LRRC8B: variants seen among roughly 807,000 people sequenced by gnomAD.
LRRC8B encodes the protein volume-regulated anion channel subunit LRRC8B.
In LRRC8B, 23 loss-of-function variants were observed where a neutral mutation model predicts 58.8. The ratio of observed to expected loss-of-function variants is 0.39; its 90% CI spans 0.28 to 0.55. The LOEUF is 0.55. LRRC8B is among the 20% of genes least tolerant of loss of function. The pLI is 0.62. For synonymous variants in LRRC8B, 359 were observed against 374.1 expected, an observed-to-expected ratio of 0.96 and a Z score of 0.47; for missense variants, 694 against 936.0, an observed-to-expected ratio of 0.74 and a Z score of 3.37.
At chr1:89,526,248 T>G (rs976222514) in intron 1 of LRRC8B, among the ~76,000 whole-genome samples, 1 of 152,244 alleles carries the variant, frequency 6.6e-6, no homozygotes, top group African/African-American at 2.4e-5. Flanking sequence ...GGAGTCTCAC[T>G]CTGTCGCCCA....
Position 89,593,028 on chromosome 1 carries a change from C to G in LRRC8B, c.2397C>G (p.Cys799Trp), listed in dbSNP as rs747113893. ...CTGTAACAGAACGTTTACAGACGTG[C>G]TTAGACAAATGTTGACTTAAAGAAA... is the stretch of plus-strand genomic sequence containing the variant. ...PLPVTERLQT[C>W]LDKC is the part of the protein sequence containing the mutation. The change falls in exon 6 of 6, where the codon TGC (cysteine) becomes TGG (tryptophan). Residue 799 changes from cysteine (C) to tryptophan (W), a missense_variant. Physicochemically the swap from Cys to Trp is radical, Grantham distance 215 (BLOSUM62 -2). This residue lies in a region of LRRC8B where 139 missense variants were observed against 158.2 expected (regional missense o/e 0.88). Coordinates refer to ENST00000330947, the MANE Select transcript of LRRC8B (RefSeq NM_001369817.2). 1.9e-6 allele frequency: 3 copies of G among 1,612,046 alleles called. No individual in the cohort carries two copies. Among genetic ancestry groups the G allele is most frequent in the Non-Finnish European group, 2.5e-6 (3 of 1,178,486 alleles).
At position 89,584,567 on chromosome 1, in the gene LRRC8B, G is replaced by A. The variant is rs772061798; in HGVS notation, c.1917G>A (p.Lys639=). The part of the protein sequence containing the change: ...FQHLQNLSCL[K]LWHNNIAYIP... ...ATCTTCAGAATCTTTCCTGCTTAAA[G>A]TTGTGGCACAATAACATTGCTTATA... The change falls in exon 5 of 6, where the codon AAG becomes AAA. Residue 639 remains lysine, a synonymous_variant. Coordinates refer to ENST00000330947, the MANE Select transcript of LRRC8B (RefSeq NM_001369817.2). 1.9e-6 allele frequency: 3 copies of A among 1,614,184 alleles called. No homozygotes were observed. The South Asian group carries it at 3.3e-5, about 18-fold the overall frequency.
intron 1 of LRRC8B, among the ~76,000 whole-genome samples, chr1:89,536,511 G>A (rs1218441851): frequency 2.0e-5 from 3 of 152,138 alleles, no homozygotes; most frequent in Non-Finnish European, 2.9e-5. Flanking sequence ...ATTTTTTTGA[G>A]CAGCTAATAT....
Position 89,593,151 on chromosome 1 carries a change from G to C in LRRC8B, c.*108G>C. On this transcript the variant is annotated 3_prime_UTR_variant, in exon 6 of 6. Coordinates refer to ENST00000330947, the MANE Select transcript of LRRC8B (RefSeq NM_001369817.2). Reference sequence around the variant, plus strand: ...GCACTTTGGGAGGCCAAGATGGGCGGATTGCTTGAGGTCAGGAGTTCGAGA... The same window carrying C: ...GCACTTTGGGAGGCCAAGATGGGCGCATTGCTTGAGGTCAGGAGTTCGAGA... 9.0e-7 allele frequency: 1 copy of C among 1,114,176 alleles called. No homozygotes were observed. The highest frequency in any genetic ancestry group is 1.5e-5 in the South Asian group (1 of 66,928). 69.0% of individuals were successfully genotyped at this position (1,114,176 alleles called of 1,614,324 possible).
At chr1:89,589,099 C>T (rs192322626) in intron 5 of LRRC8B, among the ~76,000 whole-genome samples, 37 of 152,098 alleles carry the variant, frequency 2.4e-4, no homozygotes, top group Admixed American at 2.0e-3. Flanking sequence ...TATATAAGGA[C>T]CTACATAATA....
intron 1 of LRRC8B, among the ~76,000 whole-genome samples, 194 bp from the exon 2 acceptor site, chr1:89,568,053 G>A (rs969301926): frequency 1.3e-5 from 2 of 152,076 alleles, no homozygotes; most frequent in African/African-American, 2.4e-5. Flanking sequence ...AGTCTTTCAC[G>A]TTTCCCCTAT....
chr1:89,549,164 T>C (rs1651629646), intron 1 of LRRC8B, among the ~76,000 whole-genome samples: 1 of 152,122 alleles, frequency 6.6e-6, no homozygotes, highest in Non-Finnish European at 1.5e-5. Context: ...AACATAAGTA[T>C]ATAGTACATT....
intron 5 of LRRC8B, among the ~76,000 whole-genome samples, chr1:89,586,934 G>T (rs1206985669): frequency 1.3e-5 from 2 of 152,146 alleles, no homozygotes; most frequent in African/African-American, 4.8e-5. Context: ...GAATACTTTA[G>T]CCTCATGATG....
At chr1:89,591,840 T>C (rs1654995738) in intron 5 of LRRC8B, among the ~76,000 whole-genome samples, 1 of 152,002 alleles carries the variant, frequency 6.6e-6, no homozygotes, top group African/African-American at 2.4e-5. Flanking sequence ...TATTTCATAG[T>C]TTTTGTAGGT....
At chr1:89,560,251 T>A (rs927827245) in intron 1 of LRRC8B, among the ~76,000 whole-genome samples, 1 of 152,212 alleles carries the variant, frequency 6.6e-6, no homozygotes, top group Non-Finnish European at 1.5e-5. Context: ...TAATGGTTAC[T>A]TTCCTTGATT....
Position 89,597,422 on chromosome 1 carries a change from C to T in LRRC8B, c.*4379C>T, listed in dbSNP as rs1655348933. The T allele has an allele frequency of 6.6e-6, 1 of 152,108 alleles. No homozygotes were observed. Among genetic ancestry groups the T allele is most frequent in the Non-Finnish European group, 1.5e-5 (1 of 68,020 alleles). The allele number at this position is 152,108 out of a possible 1,614,324, so 9.4% of individuals were successfully genotyped here. A position where few individuals can be genotyped will look rare whatever the true frequency, so the allele number is the denominator to read the frequency against. On this transcript the variant is annotated 3_prime_UTR_variant, in exon 6 of 6. Transcript: ENST00000330947. ...TACATTATCTCTAACAGAGATGGTG[C>T]AATTTTAAGAATACAAAGGGGTATA...
At chr1:89,587,614 C>G (rs896521683) in intron 5 of LRRC8B, among the ~76,000 whole-genome samples, 1 of 152,154 alleles carries the variant, frequency 6.6e-6, no homozygotes, top group African/African-American at 2.4e-5. Context: ...GCCAATTAAT[C>G]CATGTGGAAC....
chr1:89,569,683 G>A (rs761294928), intron 3 of LRRC8B, among the ~76,000 whole-genome samples: 5 of 151,972 alleles, frequency 3.3e-5, no homozygotes, highest in East Asian at 1.9e-4. Context: ...TGGTGTATAC[G>A]TATCATATTT....
intron 3 of LRRC8B, among the ~76,000 whole-genome samples, chr1:89,578,671 G>T (rs1654020799): frequency 6.6e-6 from 1 of 151,950 alleles, no homozygotes; most frequent in African/African-American, 2.4e-5. Flanking sequence ...TACAATTTGG[G>T]GTCAGTACTC....
rs573431131 is a variant in LRRC8B at position 89,540,744 on chromosome 1, T to A, written c.-241+15722T>A. Among the ~76,000 whole-genome samples the A allele has an allele frequency of 5.9e-5, 9 of 152,248 alleles. 1 individual carries two copies. The South Asian group carries it at 1.7e-3, about 28-fold the overall frequency. Reference sequence around the variant, plus strand: ...TTGGGAAGTAACACTGGCAACTGTGTGGAGGGTGTGCTGAAGATGAGAGAG... The same window carrying A: ...TTGGGAAGTAACACTGGCAACTGTGAGGAGGGTGTGCTGAAGATGAGAGAG... On this transcript the variant is annotated intron_variant, in intron 1 of 5. Coordinates refer to ENST00000330947, the MANE Select transcript of LRRC8B (RefSeq NM_001369817.2).
chr1:89,585,078 A>C (rs1205306368), intron 5 of LRRC8B, among the ~76,000 whole-genome samples: 1 of 152,250 alleles, frequency 6.6e-6, no homozygotes, highest in Admixed American at 6.5e-5. Context: ...TAAACATCAC[A>C]AAGTATTTTA....
At chr1:89,576,590 A>G (rs1371368990) in intron 3 of LRRC8B, among the ~76,000 whole-genome samples, 4 of 152,194 alleles carry the variant, frequency 2.6e-5, no homozygotes, top group Non-Finnish European at 4.4e-5. Context: ...TAGCAATGCA[A>G]TTCTTGAGAC....
chr1:89,573,097 G>A (rs934637283), intron 3 of LRRC8B, among the ~76,000 whole-genome samples: 4 of 151,960 alleles, frequency 2.6e-5, no homozygotes, highest in African/African-American at 9.7e-5. Context: ...TCAGGAGATC[G>A]AGACCATCCT....
intron 1 of LRRC8B, among the ~76,000 whole-genome samples, chr1:89,529,258 T>C (rs1478741834): frequency 6.6e-6 from 1 of 152,208 alleles, no homozygotes; most frequent in Non-Finnish European, 1.5e-5. Context: ...ACAACATCAC[T>C]GGCCCCCAAA....
Sources: gnomAD v4.1 joint callset for allele counts (sites outside exome capture counted in the v4.1 genomes callset) on GRCh38, gnomAD v4.1.1 for gene constraint, gnomAD v4.1.1 regional missense constraint, MANE v1.5 for transcripts, NCBI Gene and HGNC (gene_info 2026-07-23, HGNC 2026-07-21) for gene names.